PRKG1: variants seen among roughly 807,000 people sequenced by gnomAD.
PRKG1 encodes protein kinase cGMP-dependent 1, also known as cGMP-dependent protein kinase 1.
Under a neutral mutation model 88.1 loss-of-function variants are expected in PRKG1, and 35 were observed. That is an observed-to-expected ratio of 0.40 (90% CI 0.30 to 0.53). The LOEUF is 0.53. Among genes scored for constraint, PRKG1 ranks in the 20% least tolerant of loss-of-function variants. The pLI, the probability that PRKG1 is intolerant of heterozygous loss-of-function variation, is 0.59. For missense variants in PRKG1, 540 were observed against 839.8 expected, an observed-to-expected ratio of 0.64 and a Z score of 4.41; for synonymous variants, 303 against 292.5, an observed-to-expected ratio of 1.04 and a Z score of -0.37.
intron 2 of PRKG1, among the ~76,000 whole-genome samples, chr10:51,216,881 A>G (rs1388663743): frequency 1.3e-5 from 2 of 152,196 alleles, no homozygotes; most frequent in Non-Finnish European, 2.9e-5. Flanking sequence ...ACTATAATAT[A>G]AATTCCACCT....
At chr10:52,096,995 G>T (rs899487308) in intron 7 of PRKG1, among the ~76,000 whole-genome samples, 10 of 151,640 alleles carry the variant, frequency 6.6e-5, no homozygotes, top group African/African-American at 2.4e-4. Context: ...AGGACTCTGG[G>T]GTAGATCTTA....
At chr10:51,199,714 T>G (rs374952705) in intron 2 of PRKG1, among the ~76,000 whole-genome samples, 1 of 152,198 alleles carries the variant, frequency 6.6e-6, no homozygotes, top group Non-Finnish European at 1.5e-5. Context: ...GTTTCTTCAC[T>G]GAATTTCACT....
intron 5 of PRKG1, among the ~76,000 whole-genome samples, chr10:51,921,616 T>C (rs1332492110): frequency 6.6e-6 from 1 of 152,132 alleles, no homozygotes; most frequent in Non-Finnish European, 1.5e-5. Context: ...AGAGTGTTTA[T>C]CATAAATGGG....
chr10:51,005,040 A>G lies in PRKG1; in HGVS notation c.266+13396A>G, dbSNP rs1191483837. ...CCTTTTATAGGATGGCAACCTCGGT[A>G]GAGATTTCATTTCATTATTTTTTTC... On this transcript the variant is annotated intron_variant, in intron 1 of 17. Coordinates refer to the PRKG1 transcript ENST00000401604. Among the ~76,000 whole-genome samples the G allele has an allele frequency of 2.6e-5, 4 of 152,310 alleles. No homozygotes were observed. The East Asian group carries it at 7.7e-4, about 29-fold the overall frequency.
chr10:51,957,813 C>T (rs749924572), intron 5 of PRKG1, among the ~76,000 whole-genome samples: 3 of 152,102 alleles, frequency 2.0e-5, no homozygotes, highest in African/African-American at 4.8e-5. Context: ...TGTAACTTCA[C>T]CTGTAATAGT....
chr10:52,100,376 G>A (rs1380177954), intron 7 of PRKG1, among the ~76,000 whole-genome samples: 1 of 152,216 alleles, frequency 6.6e-6, no homozygotes, highest in Non-Finnish European at 1.5e-5. Flanking sequence ...TGGCCACCTG[G>A]CCTCACAGTG....
chr10:51,374,150 A>G (rs1166474133), intron 2 of PRKG1, among the ~76,000 whole-genome samples: 1 of 147,068 alleles, frequency 6.8e-6, no homozygotes, highest in Non-Finnish European at 1.5e-5. Flanking sequence ...CAAAACATGC[A>G]GGTTTGTTAC....
chr10:51,855,219 A>G (rs907212194), intron 4 of PRKG1, among the ~76,000 whole-genome samples: 1 of 152,188 alleles, frequency 6.6e-6, no homozygotes, highest in Non-Finnish European at 1.5e-5. Context: ...AGCCTAAATT[A>G]AAGTATCAGG....
At chr10:51,176,949 G>A (rs370168637) in intron 2 of PRKG1, among the ~76,000 whole-genome samples, 3 of 151,948 alleles carry the variant, frequency 2.0e-5, no homozygotes, top group South Asian at 2.1e-4. Flanking sequence ...GCAAAAGTTC[G>A]TGGTAAATGT....
At chr10:51,718,687 A>G (rs1228542198) in intron 3 of PRKG1, among the ~76,000 whole-genome samples, 5 of 152,210 alleles carry the variant, frequency 3.3e-5, no homozygotes, top group African/African-American at 7.2e-5. Context: ...GGCAAACATC[A>G]TATGTTCTCA....
intron 3 of PRKG1, among the ~76,000 whole-genome samples, chr10:51,730,604 A>G (rs1288890501): frequency 6.6e-6 from 1 of 152,152 alleles, no homozygotes; most frequent in Non-Finnish European, 1.5e-5. Context: ...TTTTTTGGCC[A>G]TATCCCACAA....
At chr10:51,370,349 T>C (rs1486379409) in intron 2 of PRKG1, among the ~76,000 whole-genome samples, 4 of 152,136 alleles carry the variant, frequency 2.6e-5, no homozygotes, top group Non-Finnish European at 5.9e-5. Flanking sequence ...TTTGGTTAAA[T>C]TATTTTTATT....
chr10:51,349,970 G>C (rs186437594), intron 2 of PRKG1, among the ~76,000 whole-genome samples: 1 of 152,288 alleles, frequency 6.6e-6, no homozygotes, highest in East Asian at 1.9e-4. Context: ...GATGCACTCA[G>C]ACAAATTTAA....
intron 9 of PRKG1, among the ~76,000 whole-genome samples, chr10:52,248,278 G>A (rs954246276): frequency 6.6e-6 from 1 of 152,234 alleles, no homozygotes; most frequent in African/African-American, 2.4e-5. Context: ...TTTATGGCCA[G>A]ATTTTGGGGG....
chr10:51,214,518 T>C (rs1345360148), intron 2 of PRKG1, among the ~76,000 whole-genome samples: 9 of 152,064 alleles, frequency 5.9e-5, no homozygotes, highest in South Asian at 2.1e-4. Context: ...GTATTGCTCT[T>C]TTGCCCAGGC....
At chr10:51,113,002 T>G (rs563245765) in intron 1 of PRKG1, among the ~76,000 whole-genome samples, 1 of 152,300 alleles carries the variant, frequency 6.6e-6, no homozygotes, top group South Asian at 2.1e-4. Context: ...GAAGGAGACT[T>G]TAATTTTGAT....
At chr10:51,940,989 T>C (rs923538314) in intron 5 of PRKG1, among the ~76,000 whole-genome samples, 1 of 151,918 alleles carries the variant, frequency 6.6e-6, no homozygotes, top group Non-Finnish European at 1.5e-5. Flanking sequence ...AACTTACCAT[T>C]GTAGTAATTC....
intron 4 of PRKG1, among the ~76,000 whole-genome samples, chr10:51,896,108 G>A (rs373415962): frequency 9.9e-5 from 15 of 152,078 alleles, no homozygotes; most frequent in African/African-American, 3.1e-4. Flanking sequence ...GAAAAAGAAA[G>A]GCTGGTACTC....
chr10:51,454,167 G>A (rs1839515589), intron 2 of PRKG1, among the ~76,000 whole-genome samples: 1 of 151,924 alleles, frequency 6.6e-6, no homozygotes, highest in Admixed American at 6.6e-5. Flanking sequence ...TGACCATACT[G>A]CCAAAAGCAA....
Sources: allele counts gnomAD v4.1 joint callset (sites outside exome capture counted in the v4.1 genomes callset), GRCh38; gene constraint gnomAD v4.1.1; transcripts MANE v1.5; gene names NCBI Gene and HGNC (gene_info 2026-07-23, HGNC 2026-07-21).